Variants in TRPM4 observed in about 807,000 individuals in gnomAD.
The protein encoded by TRPM4 is transient receptor potential cation channel subfamily M member 4, also known as calcium-activated non-selective cation channel 1.
TRPM4 carries 124 observed loss-of-function variants against 135.6 expected under a neutral mutation model. The ratio of observed to expected loss-of-function variants is 0.91; its 90% CI spans 0.79 to 1.06. The LOEUF is 1.06. TRPM4 is among the 50% of genes least tolerant of loss of function. The pLI, the probability that TRPM4 is intolerant of heterozygous loss-of-function variation, is 0.00. For synonymous variants in TRPM4, 745 were observed against 705.6 expected (o/e 1.06, Z -0.88); for missense variants, 1,658 against 1,671.4 (o/e 0.99, Z 0.14).
At chr19:49,181,510 C>G in intron 10 of TRPM4, 49 bp downstream of exon 10, 35 of 1,062,590 alleles carry the variant, frequency 3.3e-5, no homozygotes, top group Non-Finnish European at 4.6e-5. Context: ...AGGGACTGTG[C>G]TGTCCTCCCT....
chr19:49,193,661 T>G (rs974900304), intron 16 of TRPM4, among the ~76,000 whole-genome samples: 1 of 151,940 alleles, frequency 6.6e-6, no homozygotes, highest in East Asian at 1.9e-4. Flanking sequence ...TGGCTGGAGG[T>G]GATTCAAGAT....
chr19:49,208,767 C>A (rs778409355), intron 20 of TRPM4, among the ~76,000 whole-genome samples: 1 of 151,788 alleles, frequency 6.6e-6, no homozygotes, highest in Non-Finnish European at 1.5e-5. Context: ...TGGCTTGCCG[C>A]CCACACATGG....
intron 10 of TRPM4, among the ~76,000 whole-genome samples, chr19:49,182,354 GTCCATCCATCCA>G (rs71180605): frequency 6.1e-4 from 49 of 79,732 alleles, no homozygotes; most frequent in East Asian, 1.7e-3. Flanking sequence ...CCATCCCTCT[GTCCATCCATCCA>G]TCCATCCATC....
Position 49,204,982 on chromosome 19 carries a change from G to GTTTTTTTTTTT in TRPM4, c.3131+2852_3131+2862dup, listed in dbSNP as rs756332219. Among the ~76,000 whole-genome samples the GTTTTTTTTTTT allele has an allele frequency of 2.6e-4, 16 of 60,774 alleles. 1 individual carries two copies. The highest frequency in any genetic ancestry group is 6.8e-4 in the African/African-American group (12 of 17,650). The allele number at this position is 60,774 out of a possible 152,430, so 39.9% of individuals were successfully genotyped here. A position where few individuals can be genotyped will look rare whatever the true frequency, so the allele number is the denominator to read the frequency against. ...ATATAAAATTTCATTGGCTTTGGTT[G>GTTTTTTTTTTT]TTTTTTTTTTTTTTTTTTTTTCAGA... On this transcript the variant is annotated intron_variant, in intron 20 of 24. Coordinates refer to ENST00000252826, the MANE Select transcript of TRPM4 (RefSeq NM_017636.4).
chr19:49,178,023 C>T (rs916213371), intron 9 of TRPM4, among the ~76,000 whole-genome samples: 2 of 152,068 alleles, frequency 1.3e-5, no homozygotes, highest in Non-Finnish European at 2.9e-5. Context: ...GACCAGGGTC[C>T]GTTATGTGGA....
At chr19:49,202,700 G>A (rs983950855) in intron 20 of TRPM4, among the ~76,000 whole-genome samples, 4 of 151,610 alleles carry the variant, frequency 2.6e-5, no homozygotes, top group African/African-American at 7.3e-5. Flanking sequence ...CCCATACCCA[G>A]TTAATTTTTT....
At chr19:49,201,803 T>C (rs1968942978) in intron 19 of TRPM4, among the ~76,000 whole-genome samples, 161 bp from the exon 20 acceptor site, 1 of 152,164 alleles carries the variant, frequency 6.6e-6, no homozygotes, top group Non-Finnish European at 1.5e-5. Context: ...TTTCATCACA[T>C]TGGTCAGGCT....
At chr19:49,181,596 A>ATCC (rs1197984419) in intron 10 of TRPM4, 135 bp downstream of exon 10, 29 of 634,914 alleles carry the variant, frequency 4.6e-5, no homozygotes, top group Non-Finnish European at 7.5e-5. Flanking sequence ...CAGAGGTGTG[A>ATCC]TCCCAGCTCA....
At chr19:49,186,868 C>T (rs1485478747) in intron 12 of TRPM4, among the ~76,000 whole-genome samples, 6 of 148,212 alleles carry the variant, frequency 4.0e-5, no homozygotes, top group African/African-American at 1.5e-4. Context: ...AGTGAAACTC[C>T]GTCTCAAAAA....
chr19:49,180,349 T>C (rs763591884), intron 9 of TRPM4, among the ~76,000 whole-genome samples: 3 of 151,790 alleles, frequency 2.0e-5, no homozygotes, highest in Non-Finnish European at 4.4e-5. Flanking sequence ...GTTCTCATTT[T>C]CTGCTGTTGT....
At chr19:49,190,390 GC>G in intron 15 of TRPM4, 70 bp downstream of exon 15, 1 of 1,364,048 alleles carries the variant, frequency 7.3e-7, no homozygotes, top group Non-Finnish European at 1.0e-6. Flanking sequence ...TGCCCCCTCT[GC>G]CCACCTTTCT....
chr19:49,175,321 C>A (rs188324650), intron 9 of TRPM4, among the ~76,000 whole-genome samples: 125 of 152,078 alleles, frequency 8.2e-4, no homozygotes, highest in African/African-American at 2.8e-3. Flanking sequence ...GTGATCCGCC[C>A]GCCTCGGCCT....
At chr19:49,166,870 CTCTCTCTGGGTCTCTGTCCCCA>C (rs1256859479) in intron 3 of TRPM4, among the ~76,000 whole-genome samples, 2 of 147,198 alleles carry the variant, frequency 1.4e-5, no homozygotes, top group South Asian at 2.2e-4. Context: ...CTGTTTCCCC[CTCTCTCTGGGTCTCTGTCCCCA>C]TCTCTCTGGG....
chr19:49,197,338 T>TTC (rs1322005191), intron 17 of TRPM4, among the ~76,000 whole-genome samples: 2 of 131,298 alleles, frequency 1.5e-5, no homozygotes, highest in East Asian at 2.0e-4. Flanking sequence ...CTTTCTTTCT[T>TTC]TCTTTCTTTC....
At chr19:49,189,236 A>T (rs1482479175) in intron 14 of TRPM4, 145 bp downstream of exon 14, 2 of 1,263,858 alleles carry the variant, frequency 1.6e-6, no homozygotes, top group African/African-American at 3.0e-5. Context: ...CTTCTCTCTC[A>T]GAAAGGCTGC....
chr19:49,207,378 A>G (rs1393830270), intron 20 of TRPM4, among the ~76,000 whole-genome samples: 4 of 151,746 alleles, frequency 2.6e-5, no homozygotes, highest in Non-Finnish European at 4.4e-5. Flanking sequence ...GCCTGCAATC[A>G]CAATACTTTA....
intron 2 of TRPM4, among the ~76,000 whole-genome samples, chr19:49,160,780 G>T (rs536839177): frequency 5.8e-4 from 88 of 152,184 alleles, no homozygotes; most frequent in African/African-American, 1.8e-3. Flanking sequence ...ACAGGAGCTC[G>T]GGAGGAGGCT....
chr19:49,164,875 G>A (rs1967114574), intron 2 of TRPM4, among the ~76,000 whole-genome samples: 2 of 151,834 alleles, frequency 1.3e-5, no homozygotes, highest in Admixed American at 1.3e-4. Flanking sequence ...AGCACATGCT[G>A]CCACACCTGG....
At chr19:49,202,856 TA>T (rs149384773) in intron 20 of TRPM4, among the ~76,000 whole-genome samples, 4,443 of 150,654 alleles carry the variant, frequency 0.029, 228 homozygotes, top group African/African-American at 0.1. Context: ...GTGGTAAAAT[TA>T]TATAAAATTT....
Sources: allele counts gnomAD v4.1 joint callset (sites outside exome capture counted in the v4.1 genomes callset), GRCh38; gene constraint gnomAD v4.1.1; transcripts MANE v1.5; gene names NCBI Gene and HGNC (gene_info 2026-07-23, HGNC 2026-07-21).